Variants in UGGT2 observed in about 807,000 individuals in gnomAD.
UGGT2 encodes UDP-glucose:glycoprotein glucosyltransferase 2.
In UGGT2, 180 loss-of-function variants were observed where a neutral mutation model predicts 192.1. The ratio of observed to expected loss-of-function variants is 0.94; its 90% CI spans 0.83 to 1.06. The LOEUF (loss-of-function observed/expected upper bound fraction) is 1.06. UGGT2 is among the 50% of genes least tolerant of loss of function. The probability of loss-of-function intolerance (pLI) is 0.00; values close to 1 mark genes in which losing one functional copy is unlikely to be tolerated. For missense variants in UGGT2, 1,849 were observed against 1,795.7 expected, an observed-to-expected ratio of 1.03 and a Z score of -0.54; for synonymous variants, 580 against 591.0, an observed-to-expected ratio of 0.98 and a Z score of 0.27.
chr13:95,832,494 C>T (rs3101573), intron 38 of UGGT2, among the ~76,000 whole-genome samples: 131,811 of 149,042 alleles, frequency 0.88, 58,260 homozygotes, highest in Middle Eastern at 0.97. Context: ...ACCACAAACA[C>T]GTGGGGAAAC....
chr13:95,998,483 C>A (rs2051696879), intron 6 of UGGT2, among the ~76,000 whole-genome samples: 1 of 152,144 alleles, frequency 6.6e-6, no homozygotes, highest in African/African-American at 2.4e-5. Context: ...GTGATCAAGG[C>A]AGGGCCTCTA....
intron 36 of UGGT2, among the ~76,000 whole-genome samples, chr13:95,849,245 T>A (rs545026900): frequency 2.0e-5 from 3 of 152,070 alleles, no homozygotes; most frequent in Non-Finnish European, 2.9e-5. Context: ...TTAAAAAAAA[T>A]TTATCTTATG....
At chr13:95,806,364 T>G (rs1010361450) in intron 38 of UGGT2, among the ~76,000 whole-genome samples, 1 of 152,164 alleles carries the variant, frequency 6.6e-6, no homozygotes, top group African/African-American at 2.4e-5. Flanking sequence ...CAGGAGTTAA[T>G]GTCAGAGTTG....
intron 20 of UGGT2, among the ~76,000 whole-genome samples, chr13:95,916,893 T>C (rs2389532): frequency 0.37 from 55,730 of 150,930 alleles, 10,561 homozygotes; most frequent in Middle Eastern, 0.42. Flanking sequence ...CCGAGAACTA[T>C]AGGATTATGT....
At chr13:96,044,372 A>T (rs1021638530) in intron 1 of UGGT2, among the ~76,000 whole-genome samples, 2 of 152,210 alleles carry the variant, frequency 1.3e-5, no homozygotes, top group Non-Finnish European at 2.9e-5. Flanking sequence ...TGCTAAGAGG[A>T]AAGTTCATAG....
intron 20 of UGGT2, among the ~76,000 whole-genome samples, chr13:95,910,805 G>A (rs554539408): frequency 6.6e-6 from 1 of 152,096 alleles, no homozygotes; most frequent in African/African-American, 2.4e-5. Context: ...GCACCGCATT[G>A]CACCTATTCT....
chr13:95,971,929 T>C (rs2050785506), intron 11 of UGGT2, among the ~76,000 whole-genome samples: 1 of 152,180 alleles, frequency 6.6e-6, no homozygotes, highest in South Asian at 2.1e-4. Context: ...TTCAATTGAA[T>C]TAAAACTGAA....
At chr13:95,884,065 C>CAAAAAA (rs35937679) in intron 27 of UGGT2, among the ~76,000 whole-genome samples, 3 of 73,942 alleles carry the variant, frequency 4.1e-5, no homozygotes, top group East Asian at 3.9e-4. Context: ...GCTGTGAGGC[C>CAAAAAA]AAAAAAAAAA....
intron 20 of UGGT2, among the ~76,000 whole-genome samples, chr13:95,904,496 C>A (rs1398485420): frequency 7.5e-6 from 1 of 133,714 alleles, no homozygotes; most frequent in Non-Finnish European, 1.6e-5. Context: ...CTTCCTGTGT[C>A]CATGTGATCT....
At chr13:95,947,937 A>G in intron 14 of UGGT2, 59 bp downstream of exon 14, 2 of 1,410,500 alleles carry the variant, frequency 1.4e-6, no homozygotes, top group Admixed American at 1.7e-5. Context: ...GTGTAACACA[A>G]TATGAATAAC....
intron 25 of UGGT2, among the ~76,000 whole-genome samples, chr13:95,888,903 T>C (rs1403213965): frequency 8.5e-5 from 13 of 152,078 alleles, no homozygotes. Context: ...TAACTTCAAA[T>C]TCCTGGGCTC....
intron 38 of UGGT2, among the ~76,000 whole-genome samples, chr13:95,820,994 A>G (rs1885453606): frequency 6.6e-6 from 1 of 151,872 alleles, no homozygotes; most frequent in Non-Finnish European, 1.5e-5. Context: ...TTATCTACTC[A>G]TTGGTTAAGG....
Position 95,927,072 on chromosome 13 carries a change from T to C in UGGT2, c.2156A>G (p.Lys719Arg). The change falls in exon 19 of 39, where the codon AAG (lysine) becomes AGG (arginine). Residue 719 changes from lysine to arginine, a missense_variant. Coordinates refer to ENST00000376747, the MANE Select transcript of UGGT2 (RefSeq NM_020121.4). The part of the protein sequence containing the change: ...STFFFLDSQD[K>R]SAVIAKNMYY... Reference sequence around the variant, plus strand: ...CATGTTCTTTGCAATTACAGCACTCTTATCTTGTGAATCCAAGAAAAAGAA... The same window carrying C: ...CATGTTCTTTGCAATTACAGCACTCCTATCTTGTGAATCCAAGAAAAAGAA... 1.2e-6 allele frequency: 2 copies of C among 1,611,610 alleles called. No homozygotes were observed. The highest frequency in any genetic ancestry group is 2.2e-5 in the East Asian group (1 of 44,716).
At chr13:95,831,416 T>C (rs968736160) in intron 38 of UGGT2, among the ~76,000 whole-genome samples, 5 of 152,150 alleles carry the variant, frequency 3.3e-5, no homozygotes, top group African/African-American at 4.8e-5. Context: ...ATAACCTATT[T>C]TTTAACTTAA....
chr13:95,929,839 A>C (rs950510774), intron 17 of UGGT2, among the ~76,000 whole-genome samples: 5 of 152,108 alleles, frequency 3.3e-5, no homozygotes, highest in Admixed American at 1.3e-4. Flanking sequence ...GTTCTGTTTT[A>C]AGTTCTTTGA....
intron 34 of UGGT2, among the ~76,000 whole-genome samples, chr13:95,855,396 A>AT (rs201207057): frequency 8.0e-5 from 12 of 150,806 alleles, no homozygotes; most frequent in Admixed American, 2.0e-4. Flanking sequence ...TGTATTTTCA[A>AT]TTTTTTTTTC....
At chr13:95,884,730 C>T in intron 26 of UGGT2, 50 bp from the exon 27 acceptor site, 1 of 1,506,402 alleles carries the variant, frequency 6.6e-7, no homozygotes, top group Non-Finnish European at 8.9e-7. Context: ...TGAGATTTTT[C>T]TTTTAAAATA....
intron 30 of UGGT2, among the ~76,000 whole-genome samples, chr13:95,866,032 C>CGTGT (rs140750488): frequency 1.3e-4 from 19 of 150,034 alleles, no homozygotes; most frequent in Non-Finnish European, 1.8e-4. Flanking sequence ...TTCACACTAG[C>CGTGT]GTGTGTGTGT....
chr13:95,910,907 T>C (rs2048472649), intron 20 of UGGT2, among the ~76,000 whole-genome samples: 1 of 152,162 alleles, frequency 6.6e-6, no homozygotes, highest in African/African-American at 2.4e-5. Context: ...CACAGTGCAA[T>C]CAAATTAGAA....
Sources: allele counts gnomAD v4.1 joint callset (sites outside exome capture counted in the v4.1 genomes callset), GRCh38; gene constraint gnomAD v4.1.1; transcripts MANE v1.5; gene names NCBI Gene and HGNC (gene_info 2026-07-23, HGNC 2026-07-21).